CFAP74: variants seen among roughly 807,000 people sequenced by gnomAD.
CFAP74 encodes the protein cilia- and flagella-associated protein 74.
CFAP74 carries 124 observed loss-of-function variants against 188.9 expected under a neutral mutation model. The observed-to-expected ratio is 0.66, with a 90% CI of 0.57 to 0.76. The LOEUF is 0.76. Ranked by LOEUF, CFAP74 falls within the 30% of genes least tolerant of loss-of-function variation. The pLI is 0.00. For synonymous variants in CFAP74, 956 were observed against 916.7 expected (o/e 1.04, Z -0.77); for missense variants, 2,198 against 2,165.2 (o/e 1.02, Z -0.30).
intron 20 of CFAP74, among the ~76,000 whole-genome samples, chr1:1,945,751 C>A (rs1653708355): frequency 6.6e-6 from 1 of 151,462 alleles, no homozygotes; most frequent in Admixed American, 6.6e-5. Flanking sequence ...TCACTTGAGC[C>A]CAGGGGTTAG....
chr1:1,991,813 G>A (rs906780233), intron 1 of CFAP74, among the ~76,000 whole-genome samples: 19 of 152,106 alleles, frequency 1.2e-4, no homozygotes, highest in Non-Finnish European at 1.9e-4. Context: ...GCCAAGGTGG[G>A]CGGATCACGA....
chr1:1,985,284 A>G, intron 6 of CFAP74, 102 bp downstream of exon 6: 1 of 939,138 alleles, frequency 1.1e-6, no homozygotes, highest in East Asian at 2.4e-5. Flanking sequence ...TTTGCCGGTC[A>G]GGTGCAAAAC....
At chr1:1,957,429 C>T (rs1654723811) in intron 16 of CFAP74, among the ~76,000 whole-genome samples, 1 of 152,226 alleles carries the variant, frequency 6.6e-6, no homozygotes, top group South Asian at 2.1e-4. Flanking sequence ...GGGGTCCAGC[C>T]AAGGGAGGCC....
At position 1,944,373 on chromosome 1, in the gene CFAP74, A is replaced by T. The variant is rs1481809161; in HGVS notation, c.2444T>A (p.Met815Lys). Reference protein sequence around the residue: ...PKPSVDLKICMYDRLYQDSVL... With the variant: ...PKPSVDLKICKYDRLYQDSVL... ...AGAGTCCTGGTAGAGCCGGTCATAC[A>T]TGCAGATCTTCAGGTCCACGCTGGG... is the stretch of plus-strand genomic sequence containing the variant. The change falls in exon 21 of 39, where the codon ATG (methionine) becomes AAG (lysine). Residue 815 changes from methionine (M) to lysine (K), a missense_variant. Physicochemically the swap from Met to Lys is moderately conservative, Grantham distance 95. Transcript: ENST00000682832. The T allele has an allele frequency of 6.5e-7, 1 of 1,536,060 alleles. No homozygotes were observed.
intron 33 of CFAP74, 63 bp downstream of exon 33, chr1:1,925,720 C>G: frequency 6.4e-7 from 1 of 1,556,424 alleles, no homozygotes; most frequent in Non-Finnish European, 8.7e-7. Flanking sequence ...TGGCCTGAGT[C>G]CTGCCTGGTG....
chr1:1,946,197 C>A, intron 20 of CFAP74, 120 bp downstream of exon 20: 1 of 1,248,480 alleles, frequency 8.0e-7, no homozygotes, highest in Non-Finnish European at 1.1e-6. Flanking sequence ...ACCATCCGTG[C>A]CACCAACTGG....
chr1:1,949,495 T>G (rs1409299427), intron 18 of CFAP74, among the ~76,000 whole-genome samples: 1 of 151,710 alleles, frequency 6.6e-6, no homozygotes, highest in Non-Finnish European at 1.5e-5. Flanking sequence ...AGTGATTTTT[T>G]TTTTATTTTT....
intron 14 of CFAP74, among the ~76,000 whole-genome samples, chr1:1,962,222 T>G (rs9777849): frequency 6.6e-6 from 1 of 152,188 alleles, no homozygotes; most frequent in Non-Finnish European, 1.5e-5. Flanking sequence ...CCTGTAATCC[T>G]AGCATTTTGG....
rs746575706 is a variant in CFAP74, at chr1:1,923,428, G to A, written c.4461C>T (p.Pro1487=). The part of the protein sequence containing the change: ...QHMMFVEGGD[P]LDVPVESLTA... ...TCAGAGACTCCACGGGCACGTCCAG[G>A]GGGTCGCCGCCCTCCACGAACATCA... Residue 1487 remains proline (P), a synonymous_variant, in exon 36 of 39, where the codon CCC becomes CCT. Coordinates refer to ENST00000682832, the MANE Select transcript of CFAP74 (RefSeq NM_001304360.2). The surrounding 1 kb of genome is among the most constrained non-coding windows in gnomAD (Gnocchi z 6.3). The A allele has an allele frequency of 1.1e-5, 18 of 1,604,712 alleles. No individual in the cohort carries two copies. The highest frequency in any genetic ancestry group is 1.4e-5 in the Non-Finnish European group (17 of 1,176,740).
Position 1,968,971 on chromosome 1 carries a change from C to T in CFAP74, c.1047-138G>A, listed in dbSNP as rs61776962. 53 of 422,964 alleles carry T rather than the reference C, an allele frequency of 1.3e-4. No individual in the cohort carries two copies. Among genetic ancestry groups the T allele is most frequent in the African/African-American group, 3.1e-4 (12 of 38,600 alleles). The allele number at this position is 422,964 out of a possible 1,614,324, so 26.2% of individuals were successfully genotyped here. Reference sequence around the variant, plus strand: ...TGCCCAGCAGCCCCAGGTGAGACAGCGCCTGGCGGCCCCTCCCTAGCTCCC... The same window carrying T: ...TGCCCAGCAGCCCCAGGTGAGACAGTGCCTGGCGGCCCCTCCCTAGCTCCC... On this transcript the variant is annotated intron_variant, in intron 10 of 38. Coordinates refer to ENST00000682832, the MANE Select transcript of CFAP74 (RefSeq NM_001304360.2). This position sits in a 1 kb window ranked among gnomAD's most constrained non-coding sequence, Gnocchi z 4.3.
intron 14 of CFAP74, among the ~76,000 whole-genome samples, chr1:1,962,907 G>A (rs543385467): frequency 6.6e-6 from 1 of 152,192 alleles, no homozygotes; most frequent in African/African-American, 2.4e-5. Context: ...CAAAGAAAAG[G>A]AAAGCAGAAA....
chr1:1,959,335 C>T, intron 15 of CFAP74, 126 bp from the exon 16 acceptor site: 1 of 635,710 alleles, frequency 1.6e-6, no homozygotes. Context: ...CGATTCACTG[C>T]AACCCCCCTC....
intron 1 of CFAP74, among the ~76,000 whole-genome samples, chr1:2,000,094 G>A (rs1571005408): frequency 6.6e-6 from 1 of 152,084 alleles, no homozygotes; most frequent in Admixed American, 6.5e-5. Flanking sequence ...AACTGGTGAG[G>A]TGGAGGTTGC....
intron 17 of CFAP74, 63 bp downstream of exon 17, chr1:1,956,557 C>T (rs1399869935): frequency 3.1e-6 from 5 of 1,595,356 alleles, no homozygotes; most frequent in East Asian, 4.5e-5. Flanking sequence ...TCTGTTCACC[C>T]ACATGGGACT....
chr1:1,926,734 C>T lies in CFAP74; in HGVS notation c.3690G>A (p.Leu1230=). The T allele has an allele frequency of 6.5e-7, 1 of 1,550,196 alleles. No individual in the cohort carries two copies. The highest frequency in any genetic ancestry group is 8.7e-7 in the Non-Finnish European group (1 of 1,146,842). Residue 1230 remains leucine (L), a synonymous_variant, in exon 30 of 39, where the codon CTG becomes CTA. Transcript: ENST00000682832. ...CAGATGGTGCCACCGTCGGGCACCA[C>T]AGCTCCAGGTACAGGGTGTTGTGGG... The part of the protein sequence containing the change: ...FSPHNTLYLE[L]WCPTVAPSVV...
At chr1:1,998,883 A>G (rs910224725) in intron 1 of CFAP74, among the ~76,000 whole-genome samples, 7 of 152,158 alleles carry the variant, frequency 4.6e-5, no homozygotes, top group Admixed American at 2.0e-4. Context: ...TCTCGAAAAA[A>G]GTAATAATAA....
At chr1:1,966,547 A>C (rs539771571) in intron 11 of CFAP74, 21 bp from the exon 12 acceptor site, 1 of 1,510,972 alleles carries the variant, frequency 6.6e-7, no homozygotes, top group Non-Finnish European at 8.9e-7. Flanking sequence ...GGAGAGGAAC[A>C]TCGCAAAGAC....
intron 11 of CFAP74, among the ~76,000 whole-genome samples, chr1:1,967,640 G>A (rs1177582237): frequency 6.6e-6 from 1 of 152,172 alleles, no homozygotes; most frequent in East Asian, 1.9e-4. Context: ...CAGAGACCCT[G>A]TGGAGGCCAA....
At chr1:1,970,470 G>C (rs1452198676) in intron 10 of CFAP74, among the ~76,000 whole-genome samples, 189 bp downstream of exon 10, 1 of 152,194 alleles carries the variant, frequency 6.6e-6, no homozygotes. Flanking sequence ...GGCTGGGCAG[G>C]CTGAGTCAGG....
Sources: gnomAD v4.1 joint callset for allele counts (sites outside exome capture counted in the v4.1 genomes callset) on GRCh38, gnomAD v4.1.1 for gene constraint, Gnocchi (gnomAD v3.1) non-coding constraint, MANE v1.5 for transcripts, NCBI Gene and HGNC (gene_info 2026-07-23, HGNC 2026-07-21) for gene names.